PLCZ1: variants seen among roughly 807,000 people sequenced by gnomAD.
PLCZ1 encodes phospholipase C zeta 1, also known as 1-phosphatidylinositol 4,5-bisphosphate phosphodiesterase zeta-1.
Under a neutral mutation model 76.8 loss-of-function variants are expected in PLCZ1, and 64 were observed. That is an observed-to-expected ratio of 0.83 (90% CI 0.68 to 1.03). PLCZ1 has a LOEUF of 1.03. Among genes scored for constraint, PLCZ1 ranks in the 50% least tolerant of loss-of-function variants. The pLI, the probability that PLCZ1 is intolerant of heterozygous loss-of-function variation, is 0.00. For synonymous variants in PLCZ1, 248 were observed against 230.8 expected, an observed-to-expected ratio of 1.07 and a Z score of -0.68; for missense variants, 751 against 713.7, an observed-to-expected ratio of 1.05 and a Z score of -0.60.
chr12:18,689,908 C>A (rs1204111349), intron 12 of PLCZ1, among the ~76,000 whole-genome samples: 1 of 152,074 alleles, frequency 6.6e-6, no homozygotes, highest in Non-Finnish European at 1.5e-5. Context: ...TCACAAAGCT[C>A]CCTAGAGTGA....
In PLCZ1 at chr12:18,723,445, T is replaced by C. The variant is rs1355685472; in HGVS notation, c.233A>G (p.Asn78Ser). 4.3e-6 allele frequency: 7 copies of C among 1,612,854 alleles called. No homozygotes were observed. Among genetic ancestry groups the C allele is most frequent in the Non-Finnish European group, 5.9e-6 (7 of 1,179,372 alleles). ...THREEIIEIF[N>S]TYSENRKILL... ...AATTTTCCGGTTTTCAGAATATGTG[T>C]TGAAAATCTCAATAATTTCTTCTCT... Residue 78 changes from asparagine to serine, a missense_variant, in exon 4 of 15, where the codon AAC becomes AGC. Physicochemically the swap from Asn to Ser is conservative, Grantham distance 46. Transcript: ENST00000266505.
At chr12:18,681,124 T>C (rs192956226), downstream of PLCZ1, among the ~76,000 whole-genome samples, 446 of 152,128 alleles carry the variant, frequency 2.9e-3, 4 homozygotes, top group African/African-American at 9.9e-3. Flanking sequence ...TGAAACTGTT[T>C]ATTGTTCAAC....
the PLCZ1 span, among the ~76,000 whole-genome samples, chr12:18,646,610 C>T: frequency 6.6e-5 from 10 of 152,094 alleles, no homozygotes; most frequent in Non-Finnish European, 1.3e-4. Flanking sequence ...AGAGGGCTGC[C>T]CTCTCAAGTT....
chr12:18,722,397 T>C (rs1958494367), intron 4 of PLCZ1, among the ~76,000 whole-genome samples: 1 of 152,072 alleles, frequency 6.6e-6, no homozygotes, highest in Admixed American at 6.6e-5. Flanking sequence ...TTTGAATAAA[T>C]TATGAATGTA....
the PLCZ1 span, among the ~76,000 whole-genome samples, chr12:18,646,271 T>C: frequency 6.6e-6 from 1 of 152,176 alleles, no homozygotes; most frequent in East Asian, 1.9e-4. Context: ...ACAGTATTAC[T>C]CCTGCATATG....
chr12:18,737,286 A>C, intron 2 of PLCZ1, 75 bp downstream of exon 2: 1 of 1,510,872 alleles, frequency 6.6e-7, no homozygotes, highest in Non-Finnish European at 9.2e-7. Context: ...CTCCTCGAAA[A>C]GAATAACAGC....
chr12:18,661,041 G>A, the PLCZ1 span, among the ~76,000 whole-genome samples: 4 of 152,166 alleles, frequency 2.6e-5, no homozygotes, highest in South Asian at 8.3e-4. Context: ...AGAATTGAAG[G>A]GTATATATAT....
chr12:18,663,171 A>C, the PLCZ1 span, among the ~76,000 whole-genome samples: 2 of 152,128 alleles, frequency 1.3e-5, no homozygotes, highest in Admixed American at 1.3e-4. Flanking sequence ...GAACAAGGCA[A>C]GGGTGAACAG....
chr12:18,736,715 C>G (rs996708697), intron 2 of PLCZ1: 1 of 1,283,280 alleles, frequency 7.8e-7, no homozygotes, highest in African/African-American at 1.5e-5. Context: ...TTTTAGTTCT[C>G]TCTTCCAGAA....
At chr12:18,680,489 C>T (rs111977025), downstream of PLCZ1, among the ~76,000 whole-genome samples, 1,604 of 152,128 alleles carry the variant, frequency 0.011, 25 homozygotes, top group African/African-American at 0.037. Flanking sequence ...CATTTACCTC[C>T]AGTGACCATC....
chr12:18,671,604 A>T, the PLCZ1 span, among the ~76,000 whole-genome samples: 1 of 152,208 alleles, frequency 6.6e-6, no homozygotes, highest in Non-Finnish European at 1.5e-5. Context: ...GCACATCACA[A>T]GTGGTGAGGA....
the PLCZ1 span, among the ~76,000 whole-genome samples, chr12:18,655,189 T>C: frequency 6.6e-6 from 1 of 152,120 alleles, no homozygotes; most frequent in East Asian, 1.9e-4. Context: ...AAAATATTAA[T>C]CATCACTAGA....
At chr12:18,708,887 T>C (rs117352552) in intron 6 of PLCZ1, among the ~76,000 whole-genome samples, 1,830 of 152,260 alleles carry the variant, frequency 0.012, 77 homozygotes, top group East Asian at 0.099. Flanking sequence ...TTGTATGAAT[T>C]CTTCATAAAT....
intron 13 of PLCZ1, among the ~76,000 whole-genome samples, chr12:18,685,968 T>C (rs1953086085): frequency 6.6e-6 from 1 of 151,796 alleles, no homozygotes; most frequent in Non-Finnish European, 1.5e-5. Flanking sequence ...GTGATGAAAA[T>C]AGTTATCCTA....
At chr12:18,700,936 G>A (rs1336945457) in intron 9 of PLCZ1, among the ~76,000 whole-genome samples, 1 of 151,538 alleles carries the variant, frequency 6.6e-6, no homozygotes, top group Non-Finnish European at 1.5e-5. Flanking sequence ...TTTGCACTTC[G>A]CACAAAGCCT....
intron 6 of PLCZ1, among the ~76,000 whole-genome samples, chr12:18,710,156 T>C (rs10459067): frequency 0.44 from 64,068 of 147,164 alleles, 16,575 homozygotes; most frequent in South Asian, 0.61. Flanking sequence ...AAGCATTGCA[T>C]TTTGTCTCTT....
chr12:18,659,350 G>A, the PLCZ1 span, among the ~76,000 whole-genome samples: 2 of 152,146 alleles, frequency 1.3e-5, no homozygotes, highest in South Asian at 2.1e-4. Context: ...ACAGCCATAC[G>A]CTTGTAACTG....
At chr12:18,647,978 G>T in the PLCZ1 span, 3 of 1,598,292 alleles carry the variant, frequency 1.9e-6, no homozygotes, top group African/African-American at 4.0e-5. Context: ...ACTCTGTAGT[G>T]TCCCACTCGA....
chr12:18,692,391 T>A (rs981394523), intron 12 of PLCZ1, among the ~76,000 whole-genome samples: 3 of 152,122 alleles, frequency 2.0e-5, no homozygotes, highest in Non-Finnish European at 4.4e-5. Context: ...TTCAAAAGAT[T>A]TAATGACATT....
Sources: allele counts gnomAD v4.1 joint callset (sites outside exome capture counted in the v4.1 genomes callset), GRCh38; gene constraint gnomAD v4.1.1; transcripts MANE v1.5; gene names NCBI Gene and HGNC (gene_info 2026-07-23, HGNC 2026-07-21).